Variants in PCDH15 observed in about 807,000 individuals in gnomAD.
The protein encoded by PCDH15 is protocadherin related 15.
A neutral mutation model predicts 178.5 loss-of-function variants in PCDH15; 129 were observed. The ratio of observed to expected loss-of-function variants is 0.72; its 90% CI spans 0.63 to 0.84. The LOEUF is 0.84. Ranked by LOEUF, PCDH15 falls within the 40% of genes least tolerant of loss-of-function variation. The pLI is 0.00. For synonymous variants in PCDH15, 800 were observed against 732.0 expected (o/e 1.09, Z -1.50); for missense variants, 2,230 against 2,099.9 (o/e 1.06, Z -1.21).
At chr10:54,142,659 A>G (rs1035478257) in intron 14 of PCDH15, among the ~76,000 whole-genome samples, 4 of 152,228 alleles carry the variant, frequency 2.6e-5, no homozygotes, top group African/African-American at 9.6e-5. Context: ...AAAAGGCTAT[A>G]AGAACTTTGT....
At chr10:54,368,768 C>T (rs1404751106) in intron 5 of PCDH15, among the ~76,000 whole-genome samples, 3 of 151,724 alleles carry the variant, frequency 2.0e-5, no homozygotes, top group Admixed American at 2.0e-4. Context: ...ATGACCACCT[C>T]AGAAATACAA....
chr10:54,719,236 A>C (rs1208875738), intron 1 of PCDH15, among the ~76,000 whole-genome samples: 2 of 152,134 alleles, frequency 1.3e-5, no homozygotes, highest in Non-Finnish European at 2.9e-5. Context: ...GAAAGTTTTA[A>C]CAGTAGGCTA....
chr10:54,107,235 C>T (rs2094931955), intron 15 of PCDH15, among the ~76,000 whole-genome samples: 1 of 152,064 alleles, frequency 6.6e-6, no homozygotes, highest in Admixed American at 6.6e-5. Context: ...TTTTGTGATC[C>T]AAAGTATGGC....
chr10:54,635,689 A>G (rs1348279521), intron 2 of PCDH15, among the ~76,000 whole-genome samples: 1 of 151,864 alleles, frequency 6.6e-6, no homozygotes, highest in East Asian at 1.9e-4. Context: ...GAAAAATTAT[A>G]TATTGTTATT....
At chr10:54,628,829 G>A (rs1329120948) in intron 2 of PCDH15, among the ~76,000 whole-genome samples, 2 of 152,096 alleles carry the variant, frequency 1.3e-5, no homozygotes, top group Admixed American at 6.6e-5. Context: ...TGGCTGACAT[G>A]ATGTCTGCTC....
intron 15 of PCDH15, 79 bp downstream of exon 15, chr10:54,132,796 A>C (rs984942223): frequency 1.3e-6 from 2 of 1,547,392 alleles, no homozygotes; most frequent in Middle Eastern, 1.8e-4. Context: ...CTCCATACAC[A>C]AATATAAACT....
chr10:55,445,218 C>A (rs575327099), intron 2 of PCDH15, among the ~76,000 whole-genome samples: 1 of 152,230 alleles, frequency 6.6e-6, no homozygotes. Flanking sequence ...CCTAATGAGG[C>A]AGAAACGTCT....
chr10:54,603,048 G>A (rs544122380), intron 2 of PCDH15, among the ~76,000 whole-genome samples: 9 of 152,090 alleles, frequency 5.9e-5, no homozygotes, highest in Admixed American at 5.9e-4. Flanking sequence ...TTGAATGTTT[G>A]CTGGAATTCT....
At chr10:53,974,508 T>C (rs1469717857) in intron 21 of PCDH15, among the ~76,000 whole-genome samples, 2 of 152,128 alleles carry the variant, frequency 1.3e-5, no homozygotes, top group African/African-American at 4.8e-5. Flanking sequence ...TACTAACCTG[T>C]CATCATGCTC....
At chr10:53,868,430 A>G (rs2079603165) in intron 26 of PCDH15, among the ~76,000 whole-genome samples, 1 of 152,080 alleles carries the variant, frequency 6.6e-6, no homozygotes, top group African/African-American at 2.4e-5. Context: ...ACTTATATAA[A>G]TTAGTGATAT....
chr10:54,412,247 T>C (rs780624806), intron 3 of PCDH15, among the ~76,000 whole-genome samples: 35 of 149,098 alleles, frequency 2.3e-4, no homozygotes, highest in Non-Finnish European at 4.5e-4. Context: ...CTTAAATATA[T>C]ATTTATATTT....
rs55765914 is a variant in PCDH15 at position 55,395,196 on chromosome 10, T to TGA, written c.-155-228547_-155-228546dup. On this transcript the variant is annotated intron_variant, in intron 2 of 5. Transcript: ENST00000613346. ...GTGTGTGTGTGTGTGTGTGTGTGTG[T>TGA]GAGAGAGAGAGAGAGAGAGAGAGAG... 8.4e-3 allele frequency among the ~76,000 whole-genome samples: 1,068 copies of TGA among 126,598 alleles called. 4 individuals are homozygous for TGA. The highest frequency in any genetic ancestry group is 0.032 in the East Asian group (131 of 4,068). 83.1% of individuals were successfully genotyped at this position (126,598 alleles called of 152,430 possible). A position where few individuals can be genotyped will look rare whatever the true frequency, so the allele number is the denominator to read the frequency against.
chr10:54,648,942 C>G (rs929982813), intron 2 of PCDH15, among the ~76,000 whole-genome samples: 3 of 152,092 alleles, frequency 2.0e-5, no homozygotes, highest in Non-Finnish European at 2.9e-5. Flanking sequence ...AAAACATTAT[C>G]TAAGTCTAAG....
At chr10:54,657,385 G>A (rs911732937) in intron 2 of PCDH15, among the ~76,000 whole-genome samples, 1 of 152,136 alleles carries the variant, frequency 6.6e-6, no homozygotes, top group African/African-American at 2.4e-5. Flanking sequence ...AGTCATTACT[G>A]AGCTACCAGA....
chr10:53,997,746 G>T (rs981214180), intron 20 of PCDH15, among the ~76,000 whole-genome samples: 5 of 152,164 alleles, frequency 3.3e-5, no homozygotes, highest in Non-Finnish European at 5.9e-5. Flanking sequence ...TTCACAAACT[G>T]ATTAGACACA....
intron 2 of PCDH15, among the ~76,000 whole-genome samples, chr10:54,643,214 C>G (rs1324522917): frequency 6.6e-6 from 1 of 152,118 alleles, no homozygotes; most frequent in Non-Finnish European, 1.5e-5. Context: ...TGTGAGCCAC[C>G]ACACCCAGCC....
intron 11 of PCDH15, among the ~76,000 whole-genome samples, chr10:54,192,162 GA>G (rs1265044607): frequency 1.6e-4 from 22 of 136,420 alleles, no homozygotes; most frequent in African/African-American, 6.5e-4. Context: ...GAAAAAGAAA[GA>G]AAGAAAGAAA....
At chr10:54,518,086 C>A in intron 3 of PCDH15, among the ~76,000 whole-genome samples, 1 of 152,046 alleles carries the variant, frequency 6.6e-6, no homozygotes, top group East Asian at 1.9e-4. Flanking sequence ...ATTTATAGCA[C>A]CAAATGCCCA....
intron 2 of PCDH15, among the ~76,000 whole-genome samples, chr10:55,016,433 G>A (rs987263202): frequency 2.0e-5 from 3 of 151,950 alleles, no homozygotes; most frequent in Non-Finnish European, 4.4e-5. Context: ...CCCGGTAACT[G>A]GCATTCCACT....
Sources: allele counts gnomAD v4.1 joint callset (sites outside exome capture counted in the v4.1 genomes callset), GRCh38; gene constraint gnomAD v4.1.1; transcripts MANE v1.5; gene names NCBI Gene and HGNC (gene_info 2026-07-23, HGNC 2026-07-21).